Variants in ALK observed in about 807,000 individuals in gnomAD.
ALK encodes the protein ALK tyrosine kinase receptor.
ALK carries 74 observed loss-of-function variants against 163.1 expected under a neutral mutation model. The observed-to-expected ratio is 0.45, with a 90% CI of 0.38 to 0.55. The LOEUF is 0.55. Ranked by LOEUF, ALK falls within the 20% of genes least tolerant of loss-of-function variation. ALK has a pLI of 0.00. For synonymous variants in ALK, 960 were observed against 843.2 expected (o/e 1.14, Z -2.40); for missense variants, 2,063 against 2,105.3 (o/e 0.98, Z 0.39).
intron 1 of ALK, among the ~76,000 whole-genome samples, chr2:29,798,912 C>A (rs996855921): frequency 2.6e-5 from 4 of 152,166 alleles, no homozygotes; most frequent in African/African-American, 9.7e-5. Context: ...TGCATTTAGT[C>A]AGGGGCCTTG....
intron 4 of ALK, among the ~76,000 whole-genome samples, chr2:29,470,995 T>C (rs1334576454): frequency 6.6e-6 from 1 of 152,100 alleles, no homozygotes; most frequent in Non-Finnish European, 1.5e-5. Context: ...GCATACTAAT[T>C]TAAGATATAC....
chr2:29,489,851 A>G (rs1671859086), intron 4 of ALK, among the ~76,000 whole-genome samples: 1 of 152,224 alleles, frequency 6.6e-6, no homozygotes, highest in East Asian at 1.9e-4. Flanking sequence ...TTATGAAGGG[A>G]AAGTGGCCCT....
At chr2:29,862,796 A>G (rs1373638597) in intron 1 of ALK, among the ~76,000 whole-genome samples, 1 of 150,990 alleles carries the variant, frequency 6.6e-6, no homozygotes, top group African/African-American at 2.4e-5. Context: ...GAACCAGAAA[A>G]GACCCAGAAT....
chr2:29,748,287 C>T lies in ALK; in HGVS notation c.668-30590G>A, dbSNP rs563139313. Reference sequence around the variant, plus strand: ...GGGACACTAGTACTTTTTTAAGAGCCCTTGGTCTACCCTAGAATGACACTT... The same window carrying T: ...GGGACACTAGTACTTTTTTAAGAGCTCTTGGTCTACCCTAGAATGACACTT... On this transcript the variant is annotated intron_variant, in intron 1 of 28. Transcript: ENST00000389048. 1.4e-4 allele frequency among the ~76,000 whole-genome samples: 21 copies of T among 152,176 alleles called. No homozygotes were observed. In the South Asian group the frequency reaches 3.7e-3, roughly 27 times the overall value.
intron 25 of ALK, among the ~76,000 whole-genome samples, chr2:29,207,483 CCACGAGAGG>C (rs1669342786): frequency 6.6e-6 from 1 of 152,178 alleles, no homozygotes; most frequent in South Asian, 2.1e-4. Flanking sequence ...ACAAAACAAA[CCACGAGAGG>C]CATGAGAGGA....
chr2:29,637,906 T>C (rs892337240), intron 3 of ALK, among the ~76,000 whole-genome samples: 4 of 152,068 alleles, frequency 2.6e-5, no homozygotes, highest in Non-Finnish European at 4.4e-5. Flanking sequence ...ACATAATAAG[T>C]TTAATTAAAA....
intron 8 of ALK, among the ~76,000 whole-genome samples, chr2:29,304,942 G>A (rs1333535735): frequency 2.6e-5 from 4 of 152,220 alleles, no homozygotes; most frequent in Non-Finnish European, 4.4e-5. Flanking sequence ...CAGCTTTCCA[G>A]ACGACTAATG....
At chr2:29,404,652 AGT>A (rs1470600936) in intron 4 of ALK, among the ~76,000 whole-genome samples, 2 of 152,242 alleles carry the variant, frequency 1.3e-5, no homozygotes, top group Non-Finnish European at 2.9e-5. Flanking sequence ...TATTGAGTAT[AGT>A]GTGCGCCAGG....
intron 4 of ALK, among the ~76,000 whole-genome samples, chr2:29,411,664 G>A (rs1347003976): frequency 6.6e-6 from 1 of 152,108 alleles, no homozygotes; most frequent in Non-Finnish European, 1.5e-5. Context: ...TTTCTTGGGA[G>A]TTCTTCTTTT....
intron 1 of ALK, among the ~76,000 whole-genome samples, chr2:29,816,390 T>A (rs1020933810): frequency 2.0e-5 from 3 of 152,150 alleles, no homozygotes; most frequent in Non-Finnish European, 4.4e-5. Flanking sequence ...CATACATATA[T>A]GAAAGTGCTT....
chr2:29,311,675 G>A (rs895474053), intron 8 of ALK, among the ~76,000 whole-genome samples: 3 of 152,224 alleles, frequency 2.0e-5, no homozygotes, highest in Non-Finnish European at 2.9e-5. Context: ...CCTGGGGAAA[G>A]TGGAGATGCT....
At chr2:29,484,240 T>C (rs1484328676) in intron 4 of ALK, among the ~76,000 whole-genome samples, 1 of 152,200 alleles carries the variant, frequency 6.6e-6, no homozygotes, top group Admixed American at 6.5e-5. Context: ...GATTGATTGA[T>C]AGAATGACTT....
chr2:29,226,787 C>A, intron 18 of ALK, 135 bp downstream of exon 18: 1 of 1,097,860 alleles, frequency 9.1e-7, no homozygotes, highest in Non-Finnish European at 1.4e-6. Context: ...AGCACTCGAG[C>A]TGTGGCAGGT....
At chr2:29,282,704 T>A (rs1429779429) in intron 9 of ALK, among the ~76,000 whole-genome samples, 1 of 152,150 alleles carries the variant, frequency 6.6e-6, no homozygotes, top group Non-Finnish European at 1.5e-5. Flanking sequence ...TCACAATGAG[T>A]CTGGCTTGGT....
chr2:29,402,457 C>T (rs187159653), intron 4 of ALK, among the ~76,000 whole-genome samples: 17 of 152,306 alleles, frequency 1.1e-4, no homozygotes, highest in East Asian at 3.9e-4. Flanking sequence ...TGGCTGTGGG[C>T]GAGTCACTCC....
intron 1 of ALK, among the ~76,000 whole-genome samples, chr2:29,828,897 A>G (rs994069984): frequency 8.5e-5 from 13 of 152,184 alleles, no homozygotes; most frequent in Non-Finnish European, 1.6e-4. Context: ...TCACAATAGC[A>G]AAGACTTGGA....
chr2:29,521,671 G>A (rs1573424764), intron 4 of ALK, among the ~76,000 whole-genome samples: 1 of 152,204 alleles, frequency 6.6e-6, no homozygotes, highest in Admixed American at 6.5e-5. Flanking sequence ...CTTTGAGGCT[G>A]GGCATGAATG....
intron 1 of ALK, among the ~76,000 whole-genome samples, chr2:29,766,089 C>T (rs1320511820): frequency 6.6e-6 from 1 of 152,174 alleles, no homozygotes; most frequent in African/African-American, 2.4e-5. Flanking sequence ...ATTAGCTGTA[C>T]AGTATTTTGT....
intron 3 of ALK, among the ~76,000 whole-genome samples, chr2:29,634,101 A>G (rs542723471): frequency 6.9e-6 from 1 of 144,832 alleles, no homozygotes; most frequent in Admixed American, 7.3e-5. Flanking sequence ...TATTCATGAA[A>G]GGATGACTGG....
Sources: allele counts gnomAD v4.1 joint callset (sites outside exome capture counted in the v4.1 genomes callset), GRCh38; gene constraint gnomAD v4.1.1; transcripts MANE v1.5; gene names NCBI Gene and HGNC (gene_info 2026-07-23, HGNC 2026-07-21).